HDLBP: variants seen among roughly 807,000 people sequenced by gnomAD.
HDLBP encodes vigilin.
A neutral mutation model predicts 137.3 loss-of-function variants in HDLBP; 30 were observed. The observed-to-expected ratio is 0.22, with a 90% CI of 0.16 to 0.30. HDLBP has a LOEUF of 0.30. HDLBP is among the 10% of genes least tolerant of loss of function. The pLI, the probability that HDLBP is intolerant of heterozygous loss-of-function variation, is 1.00. For synonymous variants in HDLBP, 606 were observed against 596.0 expected (o/e 1.02, Z -0.24); for missense variants, 1,119 against 1,667.3 (o/e 0.67, Z 5.73).
chr2:241,263,050 T>A, intron 4 of HDLBP, 124 bp from the exon 5 acceptor site: 1 of 716,540 alleles, frequency 1.4e-6, no homozygotes, highest in Non-Finnish European at 2.3e-6. Flanking sequence ...CCACAGGCAC[T>A]GCTCGAAGCC....
At chr2:241,307,610 C>T (rs1224437172) in intron 1 of HDLBP, among the ~76,000 whole-genome samples, 1 of 152,090 alleles carries the variant, frequency 6.6e-6, no homozygotes, top group African/African-American at 2.4e-5. Flanking sequence ...CCCCATGAGG[C>T]TTTACCAAAA....
chr2:241,254,145 G>C (rs1254849717), intron 9 of HDLBP, among the ~76,000 whole-genome samples: 2 of 152,246 alleles, frequency 1.3e-5, no homozygotes, highest in South Asian at 2.1e-4. Flanking sequence ...GGCGCCTGTA[G>C]TGCCAGCTAC....
Position 241,240,204 on chromosome 2 carries a change from G to GCAA in HDLBP, c.2170-85_2170-83dup. 7.6e-7 allele frequency: 1 copy of GCAA among 1,319,534 alleles called. No individual in the cohort carries two copies. 81.7% of individuals were successfully genotyped at this position (1,319,534 alleles called of 1,614,324 possible). ...GGAAGACAAGAGGGTCTGTAGGACA[G>GCAA]CAAGCTCGGGCTCCCCTTACATTGT... On this transcript the variant is annotated intron_variant, in intron 17 of 27. Transcript: ENST00000310931. This position sits in a 1 kb window ranked among gnomAD's most constrained non-coding sequence, Gnocchi z 5.5.
At position 241,256,372 on chromosome 2, in the gene HDLBP, C is replaced by A. The variant is rs7572799; in HGVS notation, c.685G>T (p.Val229Leu). The A allele has an allele frequency of 3.7e-6, 6 of 1,611,860 alleles. No individual in the cohort carries two copies. The South Asian group carries it at 6.6e-5, about 18-fold the overall frequency. The part of the protein sequence containing the change: ...QDKRAVERLE[V>L]EKAFHPFIAG... ...ATGAAGGGGTGGAATGCCTTTTCTA[C>A]TTCTAGCCTCTCCACAGCACGTTTG... The change falls in exon 7 of 28, where the codon GTA (valine) becomes TTA (leucine). Residue 229 changes from valine to leucine, a missense_variant. Val to Leu is a conservative substitution (Grantham distance 32). Coordinates refer to ENST00000310931, the MANE Select transcript of HDLBP (RefSeq NM_005336.6).
chr2:241,272,256 G>GA lies in HDLBP; in HGVS notation c.-102-3716_-102-3715insT, dbSNP rs2074121846. 3.1e-6 allele frequency: 3 copies of GA among 965,880 alleles called. No individual in the cohort carries two copies. The highest frequency in any genetic ancestry group is 3.7e-6 in the Non-Finnish European group (3 of 812,612). 59.8% of individuals were successfully genotyped at this position (965,880 alleles called of 1,614,324 possible). ...CCAGACCCCCGCCCCGCCGCCACCT[G>GA]GGGGGAAGGACCCCGCTGGCCTCCC... On this transcript the variant is annotated intron_variant, in intron 1 of 27. Transcript: ENST00000310931. The surrounding 1 kb of genome is among the most constrained non-coding windows in gnomAD (Gnocchi z 5.6).
intron 1 of HDLBP, among the ~76,000 whole-genome samples, chr2:241,292,143 C>G (rs2075031232): frequency 6.6e-6 from 1 of 152,184 alleles, no homozygotes; most frequent in South Asian, 2.1e-4. Context: ...GCTCAACGTG[C>G]AACACAGAGC....
At chr2:241,262,641 C>G in intron 5 of HDLBP, 70 bp downstream of exon 5, 1 of 1,212,026 alleles carries the variant, frequency 8.3e-7, no homozygotes, top group South Asian at 1.2e-5. Flanking sequence ...GACGTTCTAG[C>G]CTGCATCAGG....
chr2:241,295,748 G>T (rs1277242323), intron 1 of HDLBP, among the ~76,000 whole-genome samples: 2 of 152,256 alleles, frequency 1.3e-5, no homozygotes, highest in Non-Finnish European at 2.9e-5. Context: ...GGATTATCTG[G>T]GTGGGTTCTA....
chr2:241,247,580 C>G (rs1438601084), intron 14 of HDLBP, among the ~76,000 whole-genome samples: 2 of 152,244 alleles, frequency 1.3e-5, no homozygotes, highest in Non-Finnish European at 2.9e-5. Flanking sequence ...CTGTGGCCTT[C>G]TCATCCACTA....
At chr2:241,267,495 C>A in intron 2 of HDLBP, 1 of 1,338,390 alleles carries the variant, frequency 7.5e-7, no homozygotes, top group Non-Finnish European at 1.0e-6. Flanking sequence ...ACCTGCCTGA[C>A]CCAGGCTCCA....
At chr2:241,245,021 G>C (rs1438111378) in intron 16 of HDLBP, among the ~76,000 whole-genome samples, 1 of 151,892 alleles carries the variant, frequency 6.6e-6, no homozygotes, top group Admixed American at 6.6e-5. Flanking sequence ...ATTAAAAAAC[G>C]ATTAAAATGA....
chr2:241,266,960 G>C, intron 2 of HDLBP, 54 bp from the exon 3 acceptor site: 1 of 1,300,566 alleles, frequency 7.7e-7, no homozygotes, highest in Admixed American at 1.7e-5. Context: ...AATTATCTAT[G>C]AGATTGTTAA....
chr2:241,235,542 T>TA lies in HDLBP; in HGVS notation c.2956dup (p.Tyr986LeufsTer16). The stretch of plus-strand genomic sequence containing the variant: ...CCCACTTCCTTTCTGCCCAATAACG[T>TA]AACGGTGAAGGTCAAAGGGCACCTC... On this transcript the variant is annotated frameshift_variant, in exon 22 of 28. Coordinates refer to ENST00000310931, the MANE Select transcript of HDLBP (RefSeq NM_005336.6). LOFTEE classifies it high-confidence loss of function. The TA allele has an allele frequency of 6.2e-7, 1 of 1,614,030 alleles. No individual in the cohort carries two copies.
Position 241,262,868 on chromosome 2 carries a change from C to A in HDLBP, c.293G>T (p.Gly98Val). ...CTCAAGGCAGATTTTTGCTTGTTCA[C>A]CTTCTCCAAACTGGTTCATATCCTT... is the stretch of plus-strand genomic sequence containing the variant. ...KYKDMNQFGE[G>V]EQAKICLEIM... Residue 98 changes from glycine to valine, a missense_variant, in exon 5 of 28, where the codon GGT becomes GTT. By Grantham distance (109) the Gly-to-Val change is moderately radical (BLOSUM62 -3). Around this residue, in one of 4 missense-constraint regions of HDLBP, gnomAD observed 17 missense variants for 64.3 expected, o/e 0.26. Transcript: ENST00000310931. The A allele has an allele frequency of 1.2e-6, 2 of 1,614,198 alleles. No individual in the cohort carries two copies. Among genetic ancestry groups the A allele is most frequent in the Non-Finnish European group, 1.7e-6 (2 of 1,180,030 alleles).
intron 1 of HDLBP, among the ~76,000 whole-genome samples, chr2:241,298,720 T>C (rs2075280431): frequency 6.6e-6 from 1 of 152,230 alleles, no homozygotes; most frequent in South Asian, 2.1e-4. Flanking sequence ...AACTGAATTC[T>C]GCACCACCTA....
chr2:241,272,388 G>T lies in HDLBP; in HGVS notation c.-102-3847C>A. On this transcript the variant is annotated intron_variant, in intron 1 of 27. Coordinates refer to ENST00000310931, the MANE Select transcript of HDLBP (RefSeq NM_005336.6). The surrounding 1 kb of genome is among the most constrained non-coding windows in gnomAD (Gnocchi z 5.6). ...GGGCTCAGGTCGGCCGCCCCTCCGC[G>T]CCGTGCGGCCACGGCACCAGGGGTG... 1 of 984,690 alleles carries T rather than the reference G, an allele frequency of 1.0e-6. No individual in the cohort carries two copies. The highest frequency in any genetic ancestry group is 1.2e-6 in the Non-Finnish European group (1 of 829,702). 61.0% of individuals were successfully genotyped at this position (984,690 alleles called of 1,614,324 possible).
Position 241,272,154 on chromosome 2 carries a change from C to A in HDLBP, c.-102-3613G>T. The A allele has an allele frequency of 1.0e-6, 1 of 984,384 alleles. No homozygotes were observed. The highest frequency in any genetic ancestry group is 1.2e-6 in the Non-Finnish European group (1 of 828,962). The allele number at this position is 984,384 out of a possible 1,614,324, so 61.0% of individuals were successfully genotyped here. ...GGCCCAAGAAGAGCAGCTTTCCCCA[C>A]CCCCGAACACGTAGACTGACGCGGG... On this transcript the variant is annotated intron_variant, in intron 1 of 27. Transcript: ENST00000310931. This position sits in a 1 kb window ranked among gnomAD's most constrained non-coding sequence, Gnocchi z 5.6.
At chr2:241,308,622 G>T (rs1210361157) in intron 1 of HDLBP, among the ~76,000 whole-genome samples, 1 of 152,174 alleles carries the variant, frequency 6.6e-6, no homozygotes, top group East Asian at 1.9e-4. Context: ...GTTTTGCGGG[G>T]TATGCAGACC....
chr2:241,236,988 G>A lies in HDLBP; in HGVS notation c.2750-219C>T, dbSNP rs1034443449. Among the ~76,000 whole-genome samples the A allele has an allele frequency of 2.5e-4, 38 of 150,672 alleles. 1 individual carries two copies. Among genetic ancestry groups the A allele is most frequent in the African/African-American group, 6.3e-4 (26 of 41,006 alleles). ...GGGCTCCCAGACCTTGGGGGGGGGG[G>A]GGGGGGCGGCAATGAAGGCTTTGCC... On this transcript the variant is annotated intron_variant, in intron 20 of 27. Coordinates refer to ENST00000310931, the MANE Select transcript of HDLBP (RefSeq NM_005336.6).
Sources: gnomAD v4.1 joint callset for allele counts (sites outside exome capture counted in the v4.1 genomes callset) on GRCh38, gnomAD v4.1.1 for gene constraint, gnomAD v4.1.1 regional missense constraint, Gnocchi (gnomAD v3.1) non-coding constraint, MANE v1.5 for transcripts, NCBI Gene and HGNC (gene_info 2026-07-23, HGNC 2026-07-21) for gene names.